Variants in PCDHGA11 observed in about 807,000 individuals in gnomAD.
The protein encoded by PCDHGA11 is protocadherin gamma-A11.
A neutral mutation model predicts 60.4 loss-of-function variants in PCDHGA11; 39 were observed. The ratio of observed to expected loss-of-function variants is 0.65; its 90% CI spans 0.50 to 0.84. The LOEUF (loss-of-function observed/expected upper bound fraction) is 0.84, where lower values mean the gene tolerates loss of function less well. PCDHGA11 is among the 40% of genes least tolerant of loss of function. The pLI is 0.00. For missense variants in PCDHGA11, 1,165 were observed against 1,197.7 expected, an observed-to-expected ratio of 0.97 and a Z score of 0.40; for synonymous variants, 533 against 510.3, an observed-to-expected ratio of 1.04 and a Z score of -0.60.
chr5:141,490,985 C>T lies in PCDHGA11; in HGVS notation c.2434-3822C>T. On this transcript the variant is annotated intron_variant, in intron 1 of 3. Transcript: ENST00000398587. This position sits in a 1 kb window ranked among gnomAD's most constrained non-coding sequence, Gnocchi z 5.4. ...TCAGCCCCCCAGCGTCTCCCTCGCT[C>T]TGCTCCTCCTGGCTCCTTGGTCACC... The T allele has an allele frequency of 1.9e-6, 3 of 1,614,128 alleles. No individual in the cohort carries two copies. The highest frequency in any genetic ancestry group is 2.5e-6 in the Non-Finnish European group (3 of 1,180,032).
chr5:141,459,909 G>A (rs7446907), intron 1 of PCDHGA11, among the ~76,000 whole-genome samples: 42,418 of 152,010 alleles, frequency 0.28, 6,645 homozygotes, highest in African/African-American at 0.43. Flanking sequence ...TGAGCTATGG[G>A]AGTTTTAAAA....
At chr5:141,433,321 G>T in intron 1 of PCDHGA11, 1 of 788,106 alleles carries the variant, frequency 1.3e-6, no homozygotes. Flanking sequence ...TGCCTCCGGT[G>T]TAACAGGGAC....
chr5:141,483,456 G>T (rs2099581503), intron 1 of PCDHGA11, among the ~76,000 whole-genome samples: 1 of 152,180 alleles, frequency 6.6e-6, no homozygotes, highest in Admixed American at 6.5e-5. Context: ...ATCAGGACTT[G>T]TTGATTGACA....
chr5:141,436,921 C>T lies in PCDHGA11; in HGVS notation c.2433+13261C>T, dbSNP rs73794904. Among the ~76,000 whole-genome samples the T allele has an allele frequency of 9.3e-3, 1,413 of 152,246 alleles. 25 individuals carry two copies. The highest frequency in any genetic ancestry group is 0.032 in the African/African-American group (1,313 of 41,572). On this transcript the variant is annotated intron_variant, in intron 1 of 3. Coordinates refer to ENST00000398587, the MANE Select transcript of PCDHGA11 (RefSeq NM_018914.3). ...ATATGAGACAATTTTGTGAGTGTTA[C>T]TTTTTCTTTGTCTGAACCATAGTGA...
intron 1 of PCDHGA11, among the ~76,000 whole-genome samples, chr5:141,436,713 G>C (rs2097842329): frequency 6.6e-6 from 1 of 152,308 alleles, no homozygotes; most frequent in East Asian, 1.9e-4. Flanking sequence ...TCGATGTTCT[G>C]TTGGGAAAAA....
rs1335732614 is a variant in PCDHGA11 at position 141,422,539 on chromosome 5, C to T, written c.1312C>T (p.His438Tyr). Residue 438 changes from histidine to tyrosine, a missense_variant, in exon 1 of 4, where the codon CAT becomes TAT. Coordinates refer to ENST00000398587, the MANE Select transcript of PCDHGA11 (RefSeq NM_018914.3). ...QGSPPLSAETHVWLNVADDND... is the reference protein window; with the variant it reads ...QGSPPLSAETYVWLNVADDND... ...AAGCCCGCCTTTGTCTGCAGAAACT[C>T]ATGTCTGGCTGAATGTGGCAGATGA... The T allele has an allele frequency of 3.7e-6, 6 of 1,613,876 alleles. No homozygotes were observed. Among genetic ancestry groups the T allele is most frequent in the Middle Eastern group, 1.6e-4 (1 of 6,084 alleles).
intron 1 of PCDHGA11, chr5:141,478,473 A>G (rs2099458384): frequency 6.2e-7 from 1 of 1,613,742 alleles, no homozygotes; most frequent in African/African-American, 1.3e-5. Context: ...GCCAGCCGCC[A>G]GAACACGCTG....
Position 141,485,166 on chromosome 5 carries a change from C to T in PCDHGA11, c.2434-9641C>T, listed in dbSNP as rs1180453938. 2 of 1,606,374 alleles carry T rather than the reference C, an allele frequency of 1.2e-6. No individual in the cohort carries two copies. Among genetic ancestry groups the T allele is most frequent in the Non-Finnish European group, 8.5e-7 (1 of 1,174,214 alleles). ...CAGGAGCAAGTAGAGAATTAGCGGG[C>T]GGCAGCAATGCTCCGCAAGGTGAGA... On this transcript the variant is annotated intron_variant, in intron 1 of 3. Transcript: ENST00000398587. The surrounding 1 kb of genome is among the most constrained non-coding windows in gnomAD (Gnocchi z 5.7).
intron 1 of PCDHGA11, among the ~76,000 whole-genome samples, chr5:141,482,981 A>T (rs1377809325): frequency 6.7e-6 from 1 of 150,250 alleles, no homozygotes; most frequent in Admixed American, 6.6e-5. Flanking sequence ...GCTACTTGAG[A>T]GGTCGAGGCA....
Position 141,489,829 on chromosome 5 carries a change from G to T in PCDHGA11, c.2434-4978G>T, listed in dbSNP as rs1445416879. 6.2e-7 allele frequency: 1 copy of T among 1,614,076 alleles called. No individual in the cohort carries two copies. Among genetic ancestry groups the T allele is most frequent in the South Asian group, 1.1e-5 (1 of 91,070 alleles). ...GAAGCCATTCCCAGAGCTGGTGCTA[G>T]AGCAGCAGCTGGATCGTGAAGCCCA... On this transcript the variant is annotated intron_variant, in intron 1 of 3. Coordinates refer to ENST00000398587, the MANE Select transcript of PCDHGA11 (RefSeq NM_018914.3). The surrounding 1 kb of genome is among the most constrained non-coding windows in gnomAD (Gnocchi z 4.5).
chr5:141,431,424 G>T lies in PCDHGA11; in HGVS notation c.2433+7764G>T, dbSNP rs747132868. 6.8e-6 allele frequency: 11 copies of T among 1,613,676 alleles called. No homozygotes were observed. The highest frequency in any genetic ancestry group is 5.9e-6 in the Non-Finnish European group (7 of 1,180,028). On this transcript the variant is annotated intron_variant, in intron 1 of 3. Coordinates refer to ENST00000398587, the MANE Select transcript of PCDHGA11 (RefSeq NM_018914.3). The surrounding 1 kb of genome is among the most constrained non-coding windows in gnomAD (Gnocchi z 4.8). ...GCCTCCGACGGGGGCGACCCGGTGC[G>T]CACAGGCACCGCGCGCATCCGCGTG...
In PCDHGA11 at chr5:141,487,678, C is replaced by T. The variant is rs1416406108; in HGVS notation, c.2434-7129C>T. ...ATTCTGATCCAGGCATATGGCTAGG[C>T]CATGTCCTAGAGAGTACTGGCCTCT... On this transcript the variant is annotated intron_variant, in intron 1 of 3. Transcript: ENST00000398587. The surrounding 1 kb of genome is among the most constrained non-coding windows in gnomAD (Gnocchi z 5.0). 6.2e-7 allele frequency: 1 copy of T among 1,609,696 alleles called. No individual in the cohort carries two copies. Among genetic ancestry groups the T allele is most frequent in the South Asian group, 1.1e-5 (1 of 90,230 alleles).
At chr5:141,445,169 T>C (rs2098458681) in intron 1 of PCDHGA11, among the ~76,000 whole-genome samples, 3 of 152,320 alleles carry the variant, frequency 2.0e-5, no homozygotes, top group Non-Finnish European at 1.5e-5. Flanking sequence ...TACAGAAAAA[T>C]GAAAAACTAT....
At chr5:141,488,599 C>T (rs1017044328) in intron 1 of PCDHGA11, among the ~76,000 whole-genome samples, 1 of 152,152 alleles carries the variant, frequency 6.6e-6, no homozygotes, top group Non-Finnish European at 1.5e-5. Flanking sequence ...CAAGACTTTA[C>T]AAGGTTCTTA....
chr5:141,491,602 A>T lies in PCDHGA11; in HGVS notation c.2434-3205A>T. On this transcript the variant is annotated intron_variant, in intron 1 of 3. Transcript: ENST00000398587. The surrounding 1 kb of genome is among the most constrained non-coding windows in gnomAD (Gnocchi z 6.9). ...ACCGGCCTCGGACGGCAGTGACTTC[A>T]CTTTTCTAAGACCCCTCAGCGTTCA... is the stretch of plus-strand genomic sequence containing the variant. The T allele has an allele frequency of 6.2e-7, 1 of 1,613,838 alleles. No individual in the cohort carries two copies. Among genetic ancestry groups the T allele is most frequent in the Non-Finnish European group, 8.5e-7 (1 of 1,180,016 alleles).
chr5:141,492,395 C>G (rs2099740183), intron 1 of PCDHGA11, among the ~76,000 whole-genome samples: 1 of 152,242 alleles, frequency 6.6e-6, no homozygotes, highest in African/African-American at 2.4e-5. Flanking sequence ...GGTCCACTCG[C>G]AGCTCCCCTC....
At chr5:141,423,712 T>C (rs1231796741) in intron 1 of PCDHGA11, 52 bp downstream of exon 1, 2 of 1,313,518 alleles carry the variant, frequency 1.5e-6, no homozygotes, top group Admixed American at 3.2e-5. Flanking sequence ...CACAAGTCTT[T>C]TAAGGAGATG....
Position 141,431,709 on chromosome 5 carries a change from T to G in PCDHGA11, c.2433+8049T>G, listed in dbSNP as rs1561854893. ...CACGAGGAGTCAGGATTCTACCAGA[T>G]GGAAGTGCAAGCAATGGATAATGCA... On this transcript the variant is annotated intron_variant, in intron 1 of 3. Coordinates refer to ENST00000398587, the MANE Select transcript of PCDHGA11 (RefSeq NM_018914.3). The surrounding 1 kb of genome is among the most constrained non-coding windows in gnomAD (Gnocchi z 4.8). The G allele has an allele frequency of 6.2e-7, 1 of 1,614,168 alleles. No individual in the cohort carries two copies. Among genetic ancestry groups the G allele is most frequent in the Middle Eastern group, 1.6e-4 (1 of 6,062 alleles).
chr5:141,430,832 G>A (rs1398773861), intron 1 of PCDHGA11: 1 of 1,555,686 alleles, frequency 6.4e-7, no homozygotes, highest in South Asian at 1.3e-5. Flanking sequence ...GACTCTGTGG[G>A]AGACCGGATG....
Sources: allele counts gnomAD v4.1 joint callset (sites outside exome capture counted in the v4.1 genomes callset), GRCh38; gene constraint gnomAD v4.1.1; non-coding constraint Gnocchi (gnomAD v3.1); transcripts MANE v1.5; gene names NCBI Gene and HGNC (gene_info 2026-07-23, HGNC 2026-07-21).